Variants in CTNND2 observed in about 807,000 individuals in gnomAD.
The protein encoded by CTNND2 is catenin delta 2, also known as catenin delta-2.
Under a neutral mutation model 144.4 loss-of-function variants are expected in CTNND2, and 22 were observed. The ratio of observed to expected loss-of-function variants is 0.15; its 90% CI spans 0.11 to 0.22. The LOEUF is 0.22. Ranked by LOEUF, CTNND2 falls within the 10% of genes least tolerant of loss-of-function variation. The probability of loss-of-function intolerance (pLI) is 1.00; values close to 1 mark genes in which losing one functional copy is unlikely to be tolerated. For missense variants in CTNND2, 1,353 were observed against 1,618.8 expected (o/e 0.84, Z 2.82); for synonymous variants, 751 against 695.6 (o/e 1.08, Z -1.25).
chr5:11,791,088 T>C (rs1023647981), intron 1 of CTNND2, among the ~76,000 whole-genome samples: 2 of 152,032 alleles, frequency 1.3e-5, no homozygotes, highest in African/African-American at 4.8e-5. Context: ...TGGAGCAACA[T>C]ATCTACAAGC....
At chr5:11,859,874 C>T (rs907110435) in intron 1 of CTNND2, among the ~76,000 whole-genome samples, 1 of 152,158 alleles carries the variant, frequency 6.6e-6, no homozygotes, top group African/African-American at 2.4e-5. Flanking sequence ...GCACTCTTTC[C>T]TTAACACCTA....
chr5:11,001,343 T>C, intron 18 of CTNND2, among the ~76,000 whole-genome samples: 1 of 152,180 alleles, frequency 6.6e-6, no homozygotes, highest in East Asian at 1.9e-4. Context: ...GCAACCAGTT[T>C]TCTTTCCATG....
chr5:11,454,246 C>T (rs1765532068), intron 3 of CTNND2, among the ~76,000 whole-genome samples: 1 of 151,994 alleles, frequency 6.6e-6, no homozygotes, highest in African/African-American at 2.4e-5. Flanking sequence ...ATGGTGAAAC[C>T]CCATCTCTAC....
intron 5 of CTNND2, among the ~76,000 whole-genome samples, chr5:11,408,050 T>C (rs1458936154): frequency 6.6e-6 from 1 of 152,110 alleles, no homozygotes; most frequent in Non-Finnish European, 1.5e-5. Flanking sequence ...GATTCCCCGC[T>C]TGCTGCTAGA....
Position 11,475,960 on chromosome 5 carries a change from G to A in CTNND2, c.288-63891C>T, listed in dbSNP as rs115111289. Reference sequence around the variant, plus strand: ...TGCAGCCTTGACCTCCCCAGGCTGAGGTGATCCTTCTACCTTAGCCTCCTG... The same window carrying A: ...TGCAGCCTTGACCTCCCCAGGCTGAAGTGATCCTTCTACCTTAGCCTCCTG... On this transcript the variant is annotated intron_variant, in intron 3 of 21. Transcript: ENST00000304623. Among the ~76,000 whole-genome samples, 645 of 152,122 alleles carry A rather than the reference G, an allele frequency of 4.2e-3. 2 individuals carry two copies. The highest frequency in any genetic ancestry group is 0.011 in the African/African-American group (466 of 41,498).
intron 12 of CTNND2, among the ~76,000 whole-genome samples, chr5:11,158,124 T>C (rs765621999): frequency 3.9e-4 from 60 of 152,242 alleles, no homozygotes; most frequent in Admixed American, 3.3e-4. Flanking sequence ...CAGGTCCTTA[T>C]TGATTACACT....
At chr5:11,161,104 A>G (rs1328515452) in intron 11 of CTNND2, among the ~76,000 whole-genome samples, 1 of 152,204 alleles carries the variant, frequency 6.6e-6, no homozygotes, top group Non-Finnish European at 1.5e-5. Context: ...GGTTAACCTG[A>G]AGGCAAATCT....
chr5:11,559,699 A>C (rs539912255), intron 3 of CTNND2, among the ~76,000 whole-genome samples: 2 of 152,264 alleles, frequency 1.3e-5, no homozygotes, highest in South Asian at 4.1e-4. Flanking sequence ...TATAATCAGA[A>C]CTGCCACCTG....
chr5:11,089,398 G>A (rs142214967), intron 15 of CTNND2, among the ~76,000 whole-genome samples: 17 of 152,294 alleles, frequency 1.1e-4, no homozygotes, highest in South Asian at 6.2e-4. Flanking sequence ...GCCCTGTGCC[G>A]GCACATACTG....
chr5:11,245,091 T>C (rs1742858954), intron 9 of CTNND2, among the ~76,000 whole-genome samples: 1 of 152,236 alleles, frequency 6.6e-6, no homozygotes, highest in South Asian at 2.1e-4. Flanking sequence ...AATTTGATTA[T>C]TTCCTTACAA....
At chr5:11,853,731 G>A (rs1177076605) in intron 1 of CTNND2, among the ~76,000 whole-genome samples, 1 of 152,150 alleles carries the variant, frequency 6.6e-6, no homozygotes, top group African/African-American at 2.4e-5. Context: ...AAAAATCTTG[G>A]CAGTCACTCT....
intron 2 of CTNND2, among the ~76,000 whole-genome samples, chr5:11,674,421 C>T (rs1784061799): frequency 6.6e-6 from 1 of 152,108 alleles, no homozygotes; most frequent in Non-Finnish European, 1.5e-5. Context: ...CATGATTTCC[C>T]CTATACTTCC....
chr5:11,280,821 C>T (rs1369656234), intron 9 of CTNND2, among the ~76,000 whole-genome samples: 1 of 152,138 alleles, frequency 6.6e-6, no homozygotes, highest in Non-Finnish European at 1.5e-5. Flanking sequence ...GCTACTCCAG[C>T]CCTGAAGACT....
intron 1 of CTNND2, among the ~76,000 whole-genome samples, chr5:11,750,917 T>C (rs2126785220): frequency 6.6e-6 from 1 of 151,958 alleles, no homozygotes; most frequent in South Asian, 2.1e-4. Context: ...TCATACAACA[T>C]TGTGATATAT....
At chr5:11,101,597 A>G (rs1248366955) in intron 14 of CTNND2, among the ~76,000 whole-genome samples, 1 of 152,236 alleles carries the variant, frequency 6.6e-6, no homozygotes. Context: ...TCTGTAACAT[A>G]ATTGAAGCAG....
intron 10 of CTNND2, among the ~76,000 whole-genome samples, chr5:11,202,703 C>T (rs754630719): frequency 6.6e-6 from 1 of 152,316 alleles, no homozygotes; most frequent in Non-Finnish European, 1.5e-5. Flanking sequence ...AGTCCTCTTG[C>T]TTCTGGTGGC....
At chr5:11,075,183 C>T (rs1448263189) in intron 16 of CTNND2, among the ~76,000 whole-genome samples, 1 of 152,132 alleles carries the variant, frequency 6.6e-6, no homozygotes, top group Non-Finnish European at 1.5e-5. Context: ...TTGGTGGATG[C>T]CTGTGTTTGA....
chr5:11,383,053 T>C (rs756886049), intron 7 of CTNND2, among the ~76,000 whole-genome samples: 8 of 152,148 alleles, frequency 5.3e-5, no homozygotes, highest in Non-Finnish European at 1.2e-4. Context: ...TCCACAGGTA[T>C]ATTCAGCCAT....
chr5:11,850,942 T>G (rs910698262), intron 1 of CTNND2, among the ~76,000 whole-genome samples: 3 of 152,216 alleles, frequency 2.0e-5, no homozygotes, highest in Non-Finnish European at 2.9e-5. Context: ...TGAATTTGAT[T>G]AATAGTTACA....
Sources: allele counts gnomAD v4.1 joint callset (sites outside exome capture counted in the v4.1 genomes callset), GRCh38; gene constraint gnomAD v4.1.1; transcripts MANE v1.5; gene names NCBI Gene and HGNC (gene_info 2026-07-23, HGNC 2026-07-21).